APPBP2: variants seen among roughly 807,000 people sequenced by gnomAD.
The protein encoded by APPBP2 is amyloid protein-binding protein 2.
In APPBP2, 15 loss-of-function variants were observed where a neutral mutation model predicts 76.0. That is an observed-to-expected ratio of 0.20 (90% CI 0.13 to 0.30). The LOEUF is 0.30. Among genes scored for constraint, APPBP2 ranks in the 10% least tolerant of loss-of-function variants. The pLI is 1.00. For synonymous variants in APPBP2, 222 were observed against 242.2 expected, an observed-to-expected ratio of 0.92 and a Z score of 0.77; for missense variants, 401 against 687.2, an observed-to-expected ratio of 0.58 and a Z score of 4.66.
intron 1 of APPBP2, among the ~76,000 whole-genome samples, chr17:60,508,013 C>A (rs1348645336): frequency 6.6e-6 from 1 of 151,504 alleles, no homozygotes; most frequent in East Asian, 1.9e-4. Context: ...CACTCTGCCA[C>A]CCAGGCTGGA....
intron 1 of APPBP2, among the ~76,000 whole-genome samples, chr17:60,510,956 T>C (rs1439913275): frequency 6.6e-6 from 1 of 151,696 alleles, no homozygotes; most frequent in Non-Finnish European, 1.5e-5. Context: ...TTAAGAGTTT[T>C]CCCCCCCAAT....
chr17:60,488,772 T>A lies in APPBP2; in HGVS notation c.379+5694A>T, dbSNP rs75949910. On this transcript the variant is annotated intron_variant, in intron 3 of 12. Transcript: ENST00000083182. ...TCAATGAACACTAGTCTTCCTTTCA[T>A]CTTCTTTCATACTAAATTTCTCTCA... Among the ~76,000 whole-genome samples, 1,361 of 152,288 alleles carry A rather than the reference T, an allele frequency of 8.9e-3. 24 individuals are homozygous for A. The highest frequency in any genetic ancestry group is 0.031 in the African/African-American group (1,306 of 41,548).
In APPBP2 at chr17:60,504,671, G is replaced by A. The variant is rs565195248; in HGVS notation, c.139-4184C>T. On this transcript the variant is annotated intron_variant, in intron 1 of 12. Coordinates refer to ENST00000083182, the MANE Select transcript of APPBP2 (RefSeq NM_006380.5). ...ATACCAAAAATATAAAAATCAGCCCGGCATGGCTGCGTGTCCCAGGTACTT... is the reference window on the plus strand; with the variant it reads ...ATACCAAAAATATAAAAATCAGCCCAGCATGGCTGCGTGTCCCAGGTACTT... Among the ~76,000 whole-genome samples, 43 of 152,184 alleles carry A rather than the reference G, an allele frequency of 2.8e-4. No homozygotes were observed. In the East Asian group the frequency reaches 6.7e-3, roughly 24 times the overall value.
chr17:60,450,437 C>CAAAAAAAAA, intron 12 of APPBP2, among the ~76,000 whole-genome samples: 1 of 114,780 alleles, frequency 8.7e-6, no homozygotes, highest in Non-Finnish European at 1.9e-5. Flanking sequence ...GACTCCCTCT[C>CAAAAAAAAA]AAAAAAAAAA....
intron 1 of APPBP2, among the ~76,000 whole-genome samples, chr17:60,517,535 AATTTATCTGGAAATGACTTTT>A (rs1230564153): frequency 6.6e-6 from 1 of 152,186 alleles, no homozygotes; most frequent in Non-Finnish European, 1.5e-5. Flanking sequence ...TTAGATCAGC[AATTTATCTGGAAATGACTTTT>A]GTGTGTGGTG....
chr17:60,462,155 A>T, intron 6 of APPBP2, 94 bp from the exon 7 acceptor site: 8 of 978,584 alleles, frequency 8.2e-6, no homozygotes, highest in Non-Finnish European at 4.8e-6. Context: ...AGAGTTAATA[A>T]GAAAAAAAAC....
chr17:60,469,423 T>C (rs904337055), intron 4 of APPBP2, among the ~76,000 whole-genome samples: 3 of 152,188 alleles, frequency 2.0e-5, no homozygotes, highest in Non-Finnish European at 4.4e-5. Flanking sequence ...AATTTTTTTT[T>C]ACTATGGTGA....
intron 1 of APPBP2, among the ~76,000 whole-genome samples, chr17:60,520,149 C>G (rs1485766214): frequency 6.6e-6 from 1 of 151,962 alleles, no homozygotes; most frequent in Non-Finnish European, 1.5e-5. Flanking sequence ...AGCTATACAA[C>G]TGAAATATAC....
chr17:60,476,152 A>G (rs1017280876), intron 4 of APPBP2, among the ~76,000 whole-genome samples: 4 of 152,266 alleles, frequency 2.6e-5, no homozygotes, highest in Admixed American at 2.6e-4. Context: ...AAATGGAAAT[A>G]GGCAGAGTCT....
intron 6 of APPBP2, among the ~76,000 whole-genome samples, chr17:60,463,169 A>G (rs909505468): frequency 1.3e-5 from 2 of 152,316 alleles, no homozygotes; most frequent in Non-Finnish European, 2.9e-5. Flanking sequence ...ATAATTTTGG[A>G]ATCTATTTTC....
chr17:60,495,964 A>T, intron 2 of APPBP2, among the ~76,000 whole-genome samples: 1 of 152,234 alleles, frequency 6.6e-6, no homozygotes, highest in East Asian at 1.9e-4. Flanking sequence ...TAAAAAAGGA[A>T]AGTAGTACTG....
At chr17:60,519,950 A>AT (rs1156683684) in intron 1 of APPBP2, among the ~76,000 whole-genome samples, 1 of 151,636 alleles carries the variant, frequency 6.6e-6, no homozygotes, top group East Asian at 1.9e-4. Flanking sequence ...CACATGGCTA[A>AT]TTTTTTTCTT....
At chr17:60,497,077 G>A (rs1355852292) in intron 2 of APPBP2, among the ~76,000 whole-genome samples, 2 of 152,144 alleles carry the variant, frequency 1.3e-5, no homozygotes, top group African/African-American at 4.8e-5. Context: ...CCATGAGGAA[G>A]GGACCTTGTG....
chr17:60,464,567 A>G (rs913407932), intron 5 of APPBP2, among the ~76,000 whole-genome samples: 3 of 152,174 alleles, frequency 2.0e-5, no homozygotes, highest in African/African-American at 7.2e-5. Context: ...TACTGTCCAA[A>G]GTATTTTATG....
In APPBP2 at chr17:60,444,775, C is replaced by A. The variant is rs1267419391; in HGVS notation, c.*2806G>T. On this transcript the variant is annotated 3_prime_UTR_variant, in exon 13 of 13. Transcript: ENST00000083182. ...GCGACACATGCGAGTGCTGACGGAG[C>A]TCCCTGATGCACCCAACTGGAGTAG... 3.9e-5 allele frequency: 6 copies of A among 152,518 alleles called. No homozygotes were observed. In the Admixed American group the frequency reaches 3.9e-4, roughly 10 times the overall value. 9.4% of individuals were successfully genotyped at this position (152,518 alleles called of 1,614,324 possible). A position where few individuals can be genotyped will look rare whatever the true frequency, so the allele number is the denominator to read the frequency against.
chr17:60,514,435 G>A (rs548040998), intron 1 of APPBP2, among the ~76,000 whole-genome samples: 19 of 152,152 alleles, frequency 1.2e-4, no homozygotes, highest in South Asian at 6.2e-4. Flanking sequence ...GCCAGACCCC[G>A]TTTCTATCAA....
chr17:60,465,506 G>A (rs77594190), intron 5 of APPBP2, among the ~76,000 whole-genome samples: 8,161 of 152,188 alleles, frequency 0.054, 715 homozygotes, highest in African/African-American at 0.19. Flanking sequence ...CATTCCTCAC[G>A]AATGTGCTGA....
chr17:60,523,774 A>C (rs936292950), intron 1 of APPBP2, among the ~76,000 whole-genome samples: 8 of 152,216 alleles, frequency 5.3e-5, no homozygotes, highest in African/African-American at 1.9e-4. Context: ...GCTAATAAAA[A>C]AATTAGTGTT....
chr17:60,492,679 T>G (rs1040132663), intron 3 of APPBP2, among the ~76,000 whole-genome samples: 1 of 152,288 alleles, frequency 6.6e-6, no homozygotes, highest in South Asian at 2.1e-4. Flanking sequence ...TTTGGAATGG[T>G]TGTATTTATC....
Sources: allele counts gnomAD v4.1 joint callset (sites outside exome capture counted in the v4.1 genomes callset), GRCh38; gene constraint gnomAD v4.1.1; transcripts MANE v1.5; gene names NCBI Gene and HGNC (gene_info 2026-07-23, HGNC 2026-07-21).